PIWIL2: variants seen among roughly 807,000 people sequenced by gnomAD.
PIWIL2 encodes the protein piwi-like protein 2.
PIWIL2 carries 81 observed loss-of-function variants against 116.5 expected under a neutral mutation model. That is an observed-to-expected ratio of 0.70 (90% confidence interval 0.58 to 0.84). The LOEUF is 0.84. PIWIL2 is among the 40% of genes least tolerant of loss of function. The pLI is 0.00. For missense variants in PIWIL2, 1,272 were observed against 1,212.3 expected, an observed-to-expected ratio of 1.05 and a Z score of -0.73; for synonymous variants, 489 against 429.5, an observed-to-expected ratio of 1.14 and a Z score of -1.71.
At chr8:22,323,395 C>G (rs1248609362) in intron 20 of PIWIL2, among the ~76,000 whole-genome samples, 2 of 152,106 alleles carry the variant, frequency 1.3e-5, no homozygotes, top group African/African-American at 2.4e-5. Context: ...ATCCGCCGGC[C>G]TCAGCCTCCC....
chr8:22,340,646 T>A (rs1309305321), intron 20 of PIWIL2, among the ~76,000 whole-genome samples: 2 of 152,176 alleles, frequency 1.3e-5, no homozygotes, highest in African/African-American at 2.4e-5. Flanking sequence ...AGAATGTATC[T>A]GCAAGCCAGA....
At chr8:22,338,180 T>G (rs879423245) in intron 20 of PIWIL2, among the ~76,000 whole-genome samples, 1 of 152,152 alleles carries the variant, frequency 6.6e-6, no homozygotes, top group Non-Finnish European at 1.5e-5. Context: ...GACGCAATAT[T>G]GAGAAGATTG....
At chr8:22,352,402 TA>T (rs1352393011) in intron 20 of PIWIL2, among the ~76,000 whole-genome samples, 1 of 152,232 alleles carries the variant, frequency 6.6e-6, no homozygotes, top group African/African-American at 2.4e-5. Flanking sequence ...TTAGTTACAG[TA>T]AAAATGTTTT....
At chr8:22,290,582 C>T (rs572210791) in intron 10 of PIWIL2, among the ~76,000 whole-genome samples, 53 of 150,670 alleles carry the variant, frequency 3.5e-4, no homozygotes, top group East Asian at 5.9e-4. Flanking sequence ...GCCAGGACTA[C>T]GGGTGTGCTA....
At chr8:22,329,406 C>G (rs577030271) in intron 20 of PIWIL2, among the ~76,000 whole-genome samples, 1 of 152,234 alleles carries the variant, frequency 6.6e-6, no homozygotes, top group Non-Finnish European at 1.5e-5. Flanking sequence ...CCTCAGGAAG[C>G]TTACAGTCAT....
intron 20 of PIWIL2, among the ~76,000 whole-genome samples, chr8:22,328,554 A>G (rs1831780875): frequency 6.6e-6 from 1 of 152,192 alleles, no homozygotes; most frequent in Non-Finnish European, 1.5e-5. Context: ...ACTGTCTTCC[A>G]GCATATGGAC....
intron 20 of PIWIL2, among the ~76,000 whole-genome samples, chr8:22,338,139 A>C (rs933750289): frequency 6.6e-6 from 1 of 152,108 alleles, no homozygotes; most frequent in Non-Finnish European, 1.5e-5. Flanking sequence ...GAGACAACTC[A>C]TGTTTATGGA....
intron 20 of PIWIL2, among the ~76,000 whole-genome samples, chr8:22,347,742 G>T (rs980638387): frequency 1.0e-4 from 15 of 150,512 alleles, no homozygotes; most frequent in Non-Finnish European, 2.2e-4. Context: ...GGCCAGGCTG[G>T]TCTCAAACTC....
rs565675296 is a variant in PIWIL2 at position 22,354,006 on chromosome 8, G to A, written c.2658-265G>A. On this transcript the variant is annotated intron_variant, in intron 21 of 22. Transcript: ENST00000356766. The stretch of plus-strand genomic sequence containing the variant: ...GCCCAGACTGGTCTCGATCTCCTGG[G>A]CTCAAGCAATCTGCCTGCCTCAGCC... Among the ~76,000 whole-genome samples, 8 of 151,958 alleles carry A rather than the reference G, an allele frequency of 5.3e-5. No homozygotes were observed. The South Asian group carries it at 1.0e-3, about 20-fold the overall frequency.
intron 16 of PIWIL2, among the ~76,000 whole-genome samples, chr8:22,312,285 A>T (rs3923433): frequency 0.41 from 62,323 of 150,304 alleles, 15,231 homozygotes; most frequent in East Asian, 0.82. Context: ...AAAAAAAATG[A>T]GATAGGATTT....
At chr8:22,316,447 A>C in intron 19 of PIWIL2, 114 bp downstream of exon 19, 1 of 706,890 alleles carries the variant, frequency 1.4e-6, no homozygotes, top group Non-Finnish European at 2.4e-6. Context: ...AGATTTCTAA[A>C]CATTTTCTTC....
intron 20 of PIWIL2, among the ~76,000 whole-genome samples, chr8:22,329,105 C>A (rs7814263): frequency 0.78 from 118,596 of 151,574 alleles, 46,921 homozygotes; most frequent in African/African-American, 0.88. Flanking sequence ...CTGAGTTTTT[C>A]ATAAATTTCC....
intron 10 of PIWIL2, among the ~76,000 whole-genome samples, chr8:22,294,510 G>T (rs184085541): frequency 2.7e-5 from 4 of 150,146 alleles, no homozygotes; most frequent in South Asian, 2.1e-4. Context: ...GCGTGATGGC[G>T]GGCACCTGTA....
At chr8:22,313,105 G>A (rs925761960) in intron 16 of PIWIL2, among the ~76,000 whole-genome samples, 3 of 152,192 alleles carry the variant, frequency 2.0e-5, no homozygotes, top group Non-Finnish European at 4.4e-5. Flanking sequence ...TTTTGAGAGG[G>A]TACAACTGAC....
chr8:22,301,167 A>G (rs1484761199), intron 10 of PIWIL2, among the ~76,000 whole-genome samples: 1 of 151,810 alleles, frequency 6.6e-6, no homozygotes, highest in East Asian at 1.9e-4. Flanking sequence ...TTTTTTTTGT[A>G]GAGATAGAGT....
chr8:22,296,126 G>A (rs1830900520), intron 10 of PIWIL2, among the ~76,000 whole-genome samples: 2 of 147,384 alleles, frequency 1.4e-5, no homozygotes, highest in Admixed American at 6.9e-5. Flanking sequence ...TGCGATCTCG[G>A]CTCACTGCAA....
chr8:22,319,902 A>T (rs1223035185), intron 20 of PIWIL2, among the ~76,000 whole-genome samples: 1 of 152,156 alleles, frequency 6.6e-6, no homozygotes, highest in Non-Finnish European at 1.5e-5. Flanking sequence ...AGTTGATTCC[A>T]CCTTCTAATC....
At chr8:22,321,186 A>G (rs1831589553) in intron 20 of PIWIL2, among the ~76,000 whole-genome samples, 1 of 152,118 alleles carries the variant, frequency 6.6e-6, no homozygotes, top group Non-Finnish European at 1.5e-5. Context: ...CTCTGAATCA[A>G]AAGAATTTTT....
rs972369027 is a variant in PIWIL2, at chr8:22,287,644, A to G, written c.860A>G (p.Gln287Arg). ...CTCTATCTGCCTGTTAAGCTTCAACAAGTGAGACCAAACAGGAAATGGACT... is the reference window on the plus strand; with the variant it reads ...CTCTATCTGCCTGTTAAGCTTCAACGAGTGAGACCAAACAGGAAATGGACT... The part of the protein sequence containing the change: ...SILYLPVKLQ[Q>R]VLELKSQRKT... The change falls in exon 7 of 23, where the codon CAA (glutamine) becomes CGA (arginine). Residue 287 changes from glutamine to arginine, a missense_variant and splice_region_variant. By Grantham distance (43) the Gln-to-Arg change is conservative. Transcript: ENST00000356766. 1.3e-6 allele frequency: 2 copies of G among 1,552,538 alleles called. No individual in the cohort carries two copies. Among genetic ancestry groups the G allele is most frequent in the Non-Finnish European group, 1.8e-6 (2 of 1,123,806 alleles).
Sources: gnomAD v4.1 joint callset for allele counts (sites outside exome capture counted in the v4.1 genomes callset) on GRCh38, gnomAD v4.1.1 for gene constraint, MANE v1.5 for transcripts, NCBI Gene and HGNC (gene_info 2026-07-23, HGNC 2026-07-21) for gene names.